GGT6: variants seen among roughly 807,000 people sequenced by gnomAD.
GGT6 encodes gamma-glutamyltransferase 6, also known as glutathione hydrolase 6.
In GGT6, 13 loss-of-function variants were observed where a neutral mutation model predicts 17.0. The ratio of observed to expected loss-of-function variants is 0.77; its 90% CI spans 0.50 to 1.22. GGT6 has a LOEUF of 1.22. GGT6 is among the 50% of genes most tolerant of loss of function. GGT6 has a pLI of 0.00. For missense variants in GGT6, 628 were observed against 643.7 expected, an observed-to-expected ratio of 0.98 and a Z score of 0.26; for synonymous variants, 305 against 297.9, an observed-to-expected ratio of 1.02 and a Z score of -0.25.
In GGT6 at chr17:4,560,566, C is replaced by T. The variant is rs370403450; in HGVS notation, c.-45G>A. On this transcript the variant is annotated 5_prime_UTR_variant, in exon 1 of 4. Transcript: ENST00000381550. ...CAGCCCTCCTGCCTGCCAGCCTTTC[C>T]GGCTGTGTCTCAGAGGCCCTGCCCA... 3.0e-5 allele frequency: 48 copies of T among 1,601,336 alleles called. No homozygotes were observed. Among genetic ancestry groups the T allele is most frequent in the South Asian group, 5.5e-5 (5 of 90,968 alleles).
chr17:4,559,308 G>A, intron 3 of GGT6, 35 bp downstream of exon 3: 1 of 1,481,040 alleles, frequency 6.8e-7, no homozygotes, highest in Non-Finnish European at 9.2e-7. Context: ...CAGGCTGTGG[G>A]TTGGGGTTGC....
Position 4,560,390 on chromosome 17 carries a change from G to A in GGT6, c.132C>T (p.Asp44=), listed in dbSNP as rs1251959779. ...ACCCCTCCCTTACTTACCTGGAAGA[G>A]TCCTGGTGCCTCCGGGGGTTTAGAA... ...ALVLNPRRHQ[D]SSRNKAGGLP... Residue 44 remains aspartate (D), a synonymous_variant, in exon 1 of 4, where the codon GAC becomes GAT. Transcript: ENST00000381550. 6.2e-7 allele frequency: 1 copy of A among 1,614,146 alleles called. No homozygotes were observed. The highest frequency in any genetic ancestry group is 1.1e-5 in the South Asian group (1 of 91,082).
intron 1 of GGT6, 134 bp downstream of exon 1, chr17:4,560,248 C>T: frequency 1.0e-6 from 1 of 978,478 alleles, no homozygotes; most frequent in Admixed American, 2.3e-5. Flanking sequence ...CTGGGTTTTC[C>T]CCCAAATTGA....
downstream of GGT6, chr17:4,556,870 C>G (rs997600906): frequency 2.0e-5 from 3 of 152,250 alleles, no homozygotes; most frequent in Non-Finnish European, 4.4e-5. Context: ...CAGGGAAGCC[C>G]TGACTCCAGT....
Position 4,558,845 on chromosome 17 carries a change from G to GC in GGT6, c.669_670insG (p.Pro224AlafsTer22). ...CGAGCCACCAGAGCCCTTGCCAGGGGTGTGTCCACCAGGAAGCCCTCCTGA... is the reference window on the plus strand; with the variant it reads ...CGAGCCACCAGAGCCCTTGCCAGGGGCTGTGTCCACCAGGAAGCCCTCCTGA... On this transcript the variant is annotated frameshift_variant, in exon 4 of 4. Coordinates refer to ENST00000381550, the MANE Select transcript of GGT6 (RefSeq NM_001288702.2). LOFTEE classifies it low-confidence loss of function (END_TRUNC). 1.3e-5 allele frequency: 20 copies of GC among 1,547,992 alleles called. No homozygotes were observed. The highest frequency in any genetic ancestry group is 1.7e-5 in the Non-Finnish European group (20 of 1,145,438).
Position 4,558,466 on chromosome 17 carries a change from G to C in GGT6, c.1049C>G (p.Thr350Ser), listed in dbSNP as rs759302600. 3.7e-6 allele frequency: 6 copies of C among 1,608,468 alleles called. No individual in the cohort carries two copies. Among genetic ancestry groups the C allele is most frequent in the South Asian group, 3.3e-5 (3 of 90,976 alleles). The stretch of plus-strand genomic sequence containing the variant: ...GGCACTGCTCTCGGGGCTCACAGCA[G>C]TCTGCAGGAACGGTGGGCAGGGGTC... ...IPDPCPPFLQ[T>S]AVSPESSALA... The change falls in exon 4 of 4, where the codon ACT becomes AGT. Residue 350 changes from threonine to serine, a missense_variant. Physicochemically the swap from Thr to Ser is moderately conservative, Grantham distance 58. Transcript: ENST00000381550.
At chr17:4,556,598 C>T (rs1194437633), downstream of GGT6, among the ~76,000 whole-genome samples, 1 of 152,188 alleles carries the variant, frequency 6.6e-6, no homozygotes, top group Non-Finnish European at 1.5e-5. Context: ...GAGGACCTAA[C>T]CCTTGGGGGA....
chr17:4,559,309 T>G, intron 3 of GGT6, 34 bp downstream of exon 3: 1 of 1,481,772 alleles, frequency 6.7e-7, no homozygotes, highest in Non-Finnish European at 9.2e-7. Flanking sequence ...AGGCTGTGGG[T>G]TGGGGTTGCA....
At chr17:4,559,266 G>T in intron 3 of GGT6, 77 bp downstream of exon 3, 1 of 1,269,068 alleles carries the variant, frequency 7.9e-7, no homozygotes, top group Non-Finnish European at 1.1e-6. Context: ...TGAGGTCAGT[G>T]CTACTGACTC....
At position 4,558,706 on chromosome 17, in the gene GGT6, G is replaced by A; in HGVS notation, c.809C>T (p.Ala270Val). The A allele has an allele frequency of 6.2e-7, 1 of 1,606,890 alleles. No homozygotes were observed. The highest frequency in any genetic ancestry group is 8.5e-7 in the Non-Finnish European group (1 of 1,177,384). The stretch of plus-strand genomic sequence containing the variant: ...ATCCCCAGCAAGGTCTGAGGTGGGA[G>A]CGAGGGCTGCGCTGCGAAGCACAGC... ...LAAVLRSAAL[A>V]PTSDLAGDAL... The change falls in exon 4 of 4, where the codon GCT (alanine) becomes GTT (valine). Residue 270 changes from alanine to valine, a missense_variant. Physicochemically the swap from Ala to Val is moderately conservative, Grantham distance 64. Transcript: ENST00000381550.
rs764779382 is a variant in GGT6 at position 4,558,634 on chromosome 17, G to A, written c.881C>T (p.Ser294Leu). The A allele has an allele frequency of 8.3e-6, 13 of 1,573,972 alleles. No homozygotes were observed. Among genetic ancestry groups the A allele is most frequent in the Non-Finnish European group, 8.6e-6 (10 of 1,160,730 alleles). The change falls in exon 4 of 4, where the codon TCG becomes TTG. Residue 294 changes from serine to leucine, a missense_variant. By Grantham distance (145) the Ser-to-Leu change is moderately radical (BLOSUM62 -2). Coordinates refer to ENST00000381550, the MANE Select transcript of GGT6 (RefSeq NM_001288702.2). ...TTCCAAAGTGGGCCTGGGCACAGCC[G>A]AGGGCACCTCCACCCCCAGGTCTCC... is the stretch of plus-strand genomic sequence containing the variant. ...LAGDLGVEVP[S>L]AVPRPTLEPA...
At position 4,557,360 on chromosome 17, in the gene GGT6, T is replaced by C. The variant is rs938495666; in HGVS notation, c.*655A>G. On this transcript the variant is annotated 3_prime_UTR_variant, in exon 4 of 4. Coordinates refer to ENST00000381550, the MANE Select transcript of GGT6 (RefSeq NM_001288702.2). Reference sequence around the variant, plus strand: ...CAGGGTTTCCCTCTTGTTGCCCAGGTGGGGTTGCAATGGTGCGATCTTGGT... The same window carrying C: ...CAGGGTTTCCCTCTTGTTGCCCAGGCGGGGTTGCAATGGTGCGATCTTGGT... 6.9e-6 allele frequency: 1 copy of C among 143,972 alleles called. No homozygotes were observed. Among genetic ancestry groups the C allele is most frequent in the African/African-American group, 2.6e-5 (1 of 38,546 alleles). 8.9% of individuals were successfully genotyped at this position (143,972 alleles called of 1,614,324 possible).
At position 4,560,372 on chromosome 17, in the gene GGT6, C is replaced by G. The variant is rs761521794; in HGVS notation, c.140+10G>C. 2 of 1,614,070 alleles carry G rather than the reference C, an allele frequency of 1.2e-6. No individual in the cohort carries two copies. Among genetic ancestry groups the G allele is most frequent in the Non-Finnish European group, 8.5e-7 (1 of 1,179,990 alleles). ...GGGGAGCCTGGTGCCCAGACCCCTC[C>G]CTTACTTACCTGGAAGAGTCCTGGT... On this transcript the variant is annotated intron_variant, in intron 1 of 3. Transcript: ENST00000381550.
rs1236185553 is a variant in GGT6 at position 4,559,773 on chromosome 17, G to T, written c.141-13C>A. 1.2e-6 allele frequency: 2 copies of T among 1,608,694 alleles called. No individual in the cohort carries two copies. The highest frequency in any genetic ancestry group is 1.7e-5 in the Admixed American group (1 of 59,992). ...GCCAGCCTTGTTCCTGCAGAGGGGG[G>T]GTGTCCTGAGCCACGGCTGGGACAG... On this transcript the variant is annotated splice_polypyrimidine_tract_variant and intron_variant, in intron 1 of 3. Transcript: ENST00000381550.
In GGT6 at chr17:4,557,108, G is replaced by A. The variant is rs1326085004; in HGVS notation, c.*907C>T. ...TCTTTCCACTGTCCTCCTGAAAGCT[G>A]GATCTGAACTCAGTGCTAGCCCCAG... On this transcript the variant is annotated 3_prime_UTR_variant, in exon 4 of 4. Coordinates refer to ENST00000381550, the MANE Select transcript of GGT6 (RefSeq NM_001288702.2). 1 of 152,194 alleles carries A rather than the reference G, an allele frequency of 6.6e-6. No individual in the cohort carries two copies. The highest frequency in any genetic ancestry group is 2.4e-5 in the African/African-American group (1 of 41,434). 9.4% of individuals were successfully genotyped at this position (152,194 alleles called of 1,614,324 possible).
In GGT6 at chr17:4,558,813, TG is replaced by T; in HGVS notation, c.701del (p.Thr234LysfsTer48). 3 of 1,552,426 alleles carry T rather than the reference TG, an allele frequency of 1.9e-6. No homozygotes were observed. Among genetic ancestry groups the T allele is most frequent in the Non-Finnish European group, 2.6e-6 (3 of 1,147,732 alleles). ...PLARALVARGTEGLCPLLCHA... is the reference protein window; with the variant it reads ...PLARALVARGXEGLCPLLCHA... ...GGCAAAGTAGTGGACAGAGGCCTTC[TG>T]TGCCCCGAGCCACCAGAGCCCTTGC... On this transcript the variant is annotated frameshift_variant, in exon 4 of 4. Coordinates refer to ENST00000381550, the MANE Select transcript of GGT6 (RefSeq NM_001288702.2). LOFTEE classifies it low-confidence loss of function (END_TRUNC).
intron 1 of GGT6, chr17:4,560,044 A>C (rs916411448): frequency 5.5e-5 from 32 of 577,116 alleles, no homozygotes; most frequent in African/African-American, 5.1e-4. Context: ...GGCAGGCAGG[A>C]GAGAAGGGGC....
In GGT6 at chr17:4,558,166, G is replaced by A. The variant is rs1438686076; in HGVS notation, c.1349C>T (p.Thr450Ile). 3 of 1,613,868 alleles carry A rather than the reference G, an allele frequency of 1.9e-6. No homozygotes were observed. The highest frequency in any genetic ancestry group is 1.3e-5 in the African/African-American group (1 of 74,928). ...LLRHLAARPP[T>I]QAQHQHQGQQ... ...ACCCTGATGCTGGTGCTGGGCCTGG[G>A]TAGGGGGCCTTGCTGCCAGATGCCT... The change falls in exon 4 of 4, where the codon ACC (threonine) becomes ATC (isoleucine). Residue 450 changes from threonine to isoleucine, a missense_variant. Thr to Ile is a moderately conservative substitution (Grantham distance 89). Transcript: ENST00000381550.
rs1486310303 is a variant in GGT6 at position 4,558,567 on chromosome 17, G to A, written c.948C>T (p.Thr316=). The A allele has an allele frequency of 2.6e-6, 4 of 1,568,236 alleles. No homozygotes were observed. Among genetic ancestry groups the A allele is most frequent in the South Asian group, 2.4e-5 (2 of 83,204 alleles). The stretch of plus-strand genomic sequence containing the variant: ...CTGGGCCAGCTGAGGGACTGGGGGT[G>A]GTGAACAGGATGCCCTGGGGCACAG... The part of the protein sequence containing the change: ...QLPVPQGILF[T]TPSPSAGPEL... Residue 316 remains threonine (T), a synonymous_variant, in exon 4 of 4, where the codon ACC becomes ACT. Coordinates refer to ENST00000381550, the MANE Select transcript of GGT6 (RefSeq NM_001288702.2).
Sources: allele counts gnomAD v4.1 joint callset (sites outside exome capture counted in the v4.1 genomes callset), GRCh38; gene constraint gnomAD v4.1.1; transcripts MANE v1.5; gene names NCBI Gene and HGNC (gene_info 2026-07-23, HGNC 2026-07-21).